STK32B: variants seen among roughly 807,000 people sequenced by gnomAD.
The protein encoded by STK32B is serine/threonine-protein kinase 32B.
A neutral mutation model predicts 52.6 loss-of-function variants in STK32B; 43 were observed. The observed-to-expected ratio is 0.82, with a 90% CI of 0.64 to 1.05. The LOEUF (loss-of-function observed/expected upper bound fraction) is 1.05. STK32B is among the 50% of genes least tolerant of loss of function. STK32B has a pLI of 0.00. For missense variants in STK32B, 621 were observed against 534.6 expected (o/e 1.16, Z -1.59); for synonymous variants, 238 against 204.3 (o/e 1.17, Z -1.41).
intron 3 of STK32B, among the ~76,000 whole-genome samples, chr4:5,192,602 A>G (rs1577169510): frequency 1.3e-5 from 2 of 152,358 alleles, no homozygotes; most frequent in South Asian, 4.1e-4. Flanking sequence ...AGGATTGGCC[A>G]ATAAACATTG....
chr4:5,031,543 G>C, the STK32B span, among the ~76,000 whole-genome samples: 1 of 151,768 alleles, frequency 6.6e-6, no homozygotes, highest in Admixed American at 6.6e-5. Context: ...AGGCTGGAGT[G>C]AGCAGTGATC....
the STK32B span, among the ~76,000 whole-genome samples, chr4:5,038,985 C>CTTTTTTTTTTTTTT: frequency 8.2e-6 from 1 of 122,356 alleles, no homozygotes; most frequent in Non-Finnish European, 1.7e-5. Context: ...AAATTTCTTT[C>CTTTTTTTTTTTTTT]TTTTTTTTTT....
At chr4:5,331,527 A>C (rs1284557359) in intron 4 of STK32B, 134 bp downstream of exon 4, 11 of 914,526 alleles carry the variant, frequency 1.2e-5, no homozygotes, top group Middle Eastern at 6.6e-4. Flanking sequence ...GGAAAAAAGC[A>C]GAACACTTTT....
chr4:5,470,085 C>T lies in STK32B; in HGVS notation c.1106+2015C>T, dbSNP rs1300946647. ...ATCTCATTTCACCTTTTGCTGTGTG[C>T]CAGAACATGCTTCAATTTGGATTCT... On this transcript the variant is annotated intron_variant, in intron 11 of 11. Coordinates refer to ENST00000282908, the MANE Select transcript of STK32B (RefSeq NM_018401.3). The surrounding 1 kb of genome is among the most constrained non-coding windows in gnomAD (Gnocchi z 4.6). Among the ~76,000 whole-genome samples the T allele has an allele frequency of 1.3e-5, 2 of 152,096 alleles. No individual in the cohort carries two copies. Among genetic ancestry groups the T allele is most frequent in the African/African-American group, 4.8e-5 (2 of 41,418 alleles).
chr4:5,242,659 A>G (rs1428921372), intron 3 of STK32B, among the ~76,000 whole-genome samples: 4 of 152,120 alleles, frequency 2.6e-5, no homozygotes, highest in Non-Finnish European at 5.9e-5. Context: ...GCCCATGCCT[A>G]TGTCCTGAAT....
chr4:5,476,097 G>A (rs1248466664), intron 11 of STK32B, among the ~76,000 whole-genome samples: 2 of 151,654 alleles, frequency 1.3e-5, no homozygotes, highest in Non-Finnish European at 1.5e-5. Context: ...ATGGGGTTTC[G>A]CCACGTTGGC....
chr4:5,103,793 A>T (rs1713953810), intron 1 of STK32B, among the ~76,000 whole-genome samples: 1 of 152,192 alleles, frequency 6.6e-6, no homozygotes, highest in African/African-American at 2.4e-5. Flanking sequence ...TAGGACTTCC[A>T]TTATTTTTGC....
chr4:5,443,566 A>G (rs1222620224), intron 6 of STK32B, among the ~76,000 whole-genome samples: 1 of 151,902 alleles, frequency 6.6e-6, no homozygotes, highest in South Asian at 2.1e-4. Context: ...CCCATAGCTC[A>G]GAGTAATTTG....
chr4:5,419,530 C>A (rs1242135636), intron 6 of STK32B, among the ~76,000 whole-genome samples: 1 of 152,206 alleles, frequency 6.6e-6, no homozygotes, highest in Non-Finnish European at 1.5e-5. Flanking sequence ...CAGCTTCAGC[C>A]GCTGTTCTCA....
intron 6 of STK32B, among the ~76,000 whole-genome samples, chr4:5,444,131 A>T (rs189272066): frequency 0.021 from 3,227 of 152,108 alleles, 141 homozygotes; most frequent in African/African-American, 0.073. Context: ...GGCTCCGCCC[A>T]GTTGGAGCTT....
At chr4:5,373,678 G>A (rs1735396166) in intron 4 of STK32B, among the ~76,000 whole-genome samples, 1 of 152,092 alleles carries the variant, frequency 6.6e-6, no homozygotes, top group Non-Finnish European at 1.5e-5. Context: ...CATCTGCAGG[G>A]CCCCTAGGAA....
intron 11 of STK32B, among the ~76,000 whole-genome samples, chr4:5,495,190 T>C (rs1004733276): frequency 2.0e-5 from 3 of 152,200 alleles, no homozygotes; most frequent in Non-Finnish European, 4.4e-5. Context: ...TGGTTCCGTT[T>C]TCCCTGTCAC....
intron 3 of STK32B, among the ~76,000 whole-genome samples, chr4:5,213,121 T>C (rs1444620052): frequency 1.3e-5 from 2 of 152,178 alleles, no homozygotes; most frequent in Non-Finnish European, 2.9e-5. Flanking sequence ...TAACCCATTA[T>C]TGCTTTTCAC....
the STK32B span, among the ~76,000 whole-genome samples, chr4:5,033,859 T>A: frequency 6.6e-6 from 1 of 152,218 alleles, no homozygotes; most frequent in South Asian, 2.1e-4. Flanking sequence ...CAACATTCTT[T>A]GTGGTAGGGG....
chr4:5,308,605 G>A (rs1170824516), intron 3 of STK32B, among the ~76,000 whole-genome samples: 6 of 152,114 alleles, frequency 3.9e-5, no homozygotes, highest in Non-Finnish European at 8.8e-5. Context: ...ATATGTGCCA[G>A]GTGCCTTCTT....
intron 3 of STK32B, among the ~76,000 whole-genome samples, chr4:5,310,955 A>G (rs1307682857): frequency 2.6e-5 from 4 of 152,206 alleles, no homozygotes; most frequent in African/African-American, 7.2e-5. Flanking sequence ...AAAATGTCAC[A>G]TATTCTCACT....
rs2108750208 is a variant in STK32B, at chr4:5,051,691, A to G, written c.-173A>G. 1.3e-6 allele frequency: 1 copy of G among 741,326 alleles called. No individual in the cohort carries two copies. The highest frequency in any genetic ancestry group is 1.9e-5 in the African/African-American group (1 of 52,750). The allele number at this position is 741,326 out of a possible 1,614,324, so 45.9% of individuals were successfully genotyped here. A position where few individuals can be genotyped will look rare whatever the true frequency, so the allele number is the denominator to read the frequency against. On this transcript the variant is annotated 5_prime_UTR_variant, in exon 1 of 12. Transcript: ENST00000282908. ...GAGCGCAGTCGGAAGGGCGTCCAGGAGAAGGGGGACGCCGTCCCCGCCCCT... is the reference window on the plus strand; with the variant it reads ...GAGCGCAGTCGGAAGGGCGTCCAGGGGAAGGGGGACGCCGTCCCCGCCCCT...
At chr4:5,356,994 C>T (rs562363035) in intron 4 of STK32B, among the ~76,000 whole-genome samples, 21 of 151,756 alleles carry the variant, frequency 1.4e-4, no homozygotes, top group Non-Finnish European at 2.6e-4. Context: ...GTGAAACTCT[C>T]TCTCTCATAT....
At chr4:5,048,572 C>T (rs1284395704), upstream of STK32B, among the ~76,000 whole-genome samples, 2 of 152,078 alleles carry the variant, frequency 1.3e-5, no homozygotes, top group African/African-American at 2.4e-5. Flanking sequence ...TCTGGGATTA[C>T]AGGTGTGAGC....
Sources: allele counts gnomAD v4.1 joint callset (sites outside exome capture counted in the v4.1 genomes callset), GRCh38; gene constraint gnomAD v4.1.1; non-coding constraint Gnocchi (gnomAD v3.1); transcripts MANE v1.5; gene names NCBI Gene and HGNC (gene_info 2026-07-23, HGNC 2026-07-21).